LRRC4C: variants seen among roughly 807,000 people sequenced by gnomAD.
LRRC4C encodes the protein leucine rich repeat containing 4C.
In LRRC4C, 5 loss-of-function variants were observed where a neutral mutation model predicts 33.6. The ratio of observed to expected loss-of-function variants is 0.15; its 90% CI spans 0.08 to 0.31. The LOEUF (loss-of-function observed/expected upper bound fraction) is 0.31. Ranked by LOEUF, LRRC4C falls within the 10% of genes least tolerant of loss-of-function variation. The pLI is 1.00. For synonymous variants in LRRC4C, 329 were observed against 302.0 expected (o/e 1.09, Z -0.93); for missense variants, 560 against 796.7 (o/e 0.70, Z 3.58).
chr11:40,118,484 G>A (rs1465876195), intron 6 of LRRC4C, among the ~76,000 whole-genome samples: 5 of 152,080 alleles, frequency 3.3e-5, no homozygotes, highest in African/African-American at 1.2e-4. Flanking sequence ...TATGACAGAA[G>A]TCCACATTGG....
chr11:40,717,927 G>A (rs1433926728), intron 2 of LRRC4C, among the ~76,000 whole-genome samples: 1 of 152,056 alleles, frequency 6.6e-6, no homozygotes, highest in African/African-American at 2.4e-5. Context: ...CAATTACTCT[G>A]TTTGCTATAA....
intron 1 of LRRC4C, among the ~76,000 whole-genome samples, chr11:41,067,714 C>G (rs1938358691): frequency 1.3e-5 from 2 of 152,182 alleles, no homozygotes; most frequent in South Asian, 4.1e-4. Flanking sequence ...TCTCTCAGAC[C>G]ACAGTGCAAC....
intron 5 of LRRC4C, among the ~76,000 whole-genome samples, chr11:40,158,943 T>G (rs1858931927): frequency 6.6e-6 from 1 of 152,214 alleles, no homozygotes; most frequent in South Asian, 2.1e-4. Context: ...ATTCATTTCT[T>G]TATTCACTCA....
chr11:41,165,280 G>A (rs1368278271), intron 1 of LRRC4C, among the ~76,000 whole-genome samples: 1 of 151,890 alleles, frequency 6.6e-6, no homozygotes, highest in Non-Finnish European at 1.5e-5. Flanking sequence ...CAGCAATAAG[G>A]GTATGGGATC....
chr11:40,877,207 C>T (rs1954943106), intron 2 of LRRC4C, among the ~76,000 whole-genome samples: 1 of 152,004 alleles, frequency 6.6e-6, no homozygotes, highest in Non-Finnish European at 1.5e-5. Flanking sequence ...CCTCTTTGAC[C>T]CAAGTAGTCA....
At chr11:40,850,176 T>G (rs551744975) in intron 2 of LRRC4C, among the ~76,000 whole-genome samples, 6 of 152,112 alleles carry the variant, frequency 3.9e-5, no homozygotes, top group Non-Finnish European at 7.4e-5. Context: ...TTTCCCTTGC[T>G]GGTGAGGAGT....
At chr11:40,977,861 T>C (rs921408152) in intron 1 of LRRC4C, among the ~76,000 whole-genome samples, 1 of 152,186 alleles carries the variant, frequency 6.6e-6, no homozygotes, top group African/African-American at 2.4e-5. Flanking sequence ...TCAGAATGTC[T>C]TGGGATTCTG....
intron 2 of LRRC4C, among the ~76,000 whole-genome samples, chr11:40,906,857 G>A (rs559896213): frequency 3.1e-4 from 47 of 152,070 alleles, no homozygotes; most frequent in Non-Finnish European, 6.0e-4. Context: ...AAGATAAAGT[G>A]TAAAAAACAC....
intron 3 of LRRC4C, among the ~76,000 whole-genome samples, chr11:40,526,025 A>G (rs117974782): frequency 6.6e-6 from 1 of 152,298 alleles, no homozygotes; most frequent in East Asian, 1.9e-4. Context: ...GGTCAATAGG[A>G]CATCCATATG....
chr11:41,045,814 T>A (rs1383524327), intron 1 of LRRC4C, among the ~76,000 whole-genome samples: 1 of 152,128 alleles, frequency 6.6e-6, no homozygotes, highest in Non-Finnish European at 1.5e-5. Context: ...AAGCACCCTG[T>A]GGGTATCTTT....
chr11:40,243,464 AAAG>A (rs78869231), intron 4 of LRRC4C, among the ~76,000 whole-genome samples: 10,741 of 152,168 alleles, frequency 0.071, 537 homozygotes, highest in Middle Eastern at 0.14. Context: ...TGAGGCTACA[AAAG>A]AAGAAGTGAT....
chr11:40,649,403 A>G lies in LRRC4C; in HGVS notation c.-406-1125T>C, dbSNP rs1942652679. Among the ~76,000 whole-genome samples, 4 of 152,250 alleles carry G rather than the reference A, an allele frequency of 2.6e-5. No individual in the cohort carries two copies. In the South Asian group the frequency reaches 8.3e-4, roughly 32 times the overall value. ...CAATATCTTCCCTACTTGCACATCC[A>G]TGTATAGGCTCTCTGCAAGAAGAAA... On this transcript the variant is annotated intron_variant, in intron 2 of 6. Coordinates refer to ENST00000528697, the MANE Select transcript of LRRC4C (RefSeq NM_001258419.2).
intron 1 of LRRC4C, among the ~76,000 whole-genome samples, chr11:41,266,396 T>C (rs1949153041): frequency 6.6e-6 from 1 of 152,148 alleles, no homozygotes; most frequent in Non-Finnish European, 1.5e-5. Flanking sequence ...TAGAGTTTTA[T>C]GACTGGAGCT....
Position 40,862,274 on chromosome 11 carries a change from A to AT in LRRC4C, c.-407+71360dup, listed in dbSNP as rs558762848. Among the ~76,000 whole-genome samples the AT allele has an allele frequency of 2.2e-3, 331 of 152,116 alleles. 2 individuals are homozygous for AT. The highest frequency in any genetic ancestry group is 7.2e-3 in the African/African-American group (299 of 41,522). On this transcript the variant is annotated intron_variant, in intron 2 of 6. Coordinates refer to ENST00000528697, the MANE Select transcript of LRRC4C (RefSeq NM_001258419.2). Reference sequence around the variant, plus strand: ...GTGTTTGAAGTTTTTTCTTGCTGTTATTTTTTTGACTTTGGTGTTTGGAAA... The same window carrying AT: ...GTGTTTGAAGTTTTTTCTTGCTGTTATTTTTTTTGACTTTGGTGTTTGGAAA...
intron 2 of LRRC4C, among the ~76,000 whole-genome samples, chr11:40,722,296 T>C (rs1251273629): frequency 6.6e-6 from 1 of 152,098 alleles, no homozygotes; most frequent in African/African-American, 2.4e-5. Context: ...TCTCCTCTCC[T>C]CCCTAGAGAG....
chr11:40,346,060 C>T, intron 3 of LRRC4C, among the ~76,000 whole-genome samples: 1 of 152,032 alleles, frequency 6.6e-6, no homozygotes, highest in Non-Finnish European at 1.5e-5. Context: ...CAGATGCTGG[C>T]AAGGTTGTGG....
chr11:40,233,958 C>T (rs1044415500), intron 5 of LRRC4C, among the ~76,000 whole-genome samples: 2 of 152,066 alleles, frequency 1.3e-5, no homozygotes, highest in Non-Finnish European at 2.9e-5. Flanking sequence ...CTTATTTAAG[C>T]CTCACGAAAA....
intron 1 of LRRC4C, among the ~76,000 whole-genome samples, chr11:41,235,595 T>A (rs1215183001): frequency 2.6e-5 from 4 of 152,158 alleles, no homozygotes; most frequent in Admixed American, 6.6e-5. Flanking sequence ...CACTCATCTA[T>A]GTAACAACCA....
At chr11:40,851,642 A>T (rs1413342929) in intron 2 of LRRC4C, among the ~76,000 whole-genome samples, 3 of 151,968 alleles carry the variant, frequency 2.0e-5, no homozygotes, top group Non-Finnish European at 4.4e-5. Context: ...AGCCAAAAGG[A>T]AAAAAAAGAC....
Sources: gnomAD v4.1 joint callset for allele counts (sites outside exome capture counted in the v4.1 genomes callset) on GRCh38, gnomAD v4.1.1 for gene constraint, MANE v1.5 for transcripts, NCBI Gene and HGNC (gene_info 2026-07-23, HGNC 2026-07-21) for gene names.